The following RSRP1 variants were observed in gnomAD, a reference collection of about 807,000 sequenced individuals.
The protein encoded by RSRP1 is arginine/serine-rich protein 1.
Under a neutral mutation model 33.0 loss-of-function variants are expected in RSRP1, and 37 were observed. The ratio of observed to expected loss-of-function variants is 1.12; its 90% confidence interval spans 0.86 to 1.48. The LOEUF (loss-of-function observed/expected upper bound fraction) is 1.48, where lower values mean the gene tolerates loss of function less well. Among genes scored for constraint, RSRP1 ranks in the 40% most tolerant of loss-of-function variants. RSRP1 has a pLI of 0.00. For missense variants in RSRP1, 402 were observed against 385.3 expected (o/e 1.04, Z -0.36); for synonymous variants, 167 against 158.7 (o/e 1.05, Z -0.40).
intron 1 of RSRP1, among the ~76,000 whole-genome samples, chr1:25,259,296 T>A (rs1469530642): frequency 2.0e-5 from 3 of 152,060 alleles, no homozygotes; most frequent in Non-Finnish European, 2.9e-5. Flanking sequence ...TTTCACCATG[T>A]TGGCCAGGCT....
chr1:25,303,511 C>T lies in RSRP1; in HGVS notation c.-67+34467G>A, dbSNP rs777557977. ...CTGCTTTGGCTGAAGGCCAGCAGGA[C>T]GCTGGGACCTGATGGGCCACTGTGC... On this transcript the variant is annotated intron_variant, in intron 1 of 1. Transcript: ENST00000561867. 31 of 1,362,862 alleles carry T rather than the reference C, an allele frequency of 2.3e-5. 7 individuals are homozygous for T. The highest frequency in any genetic ancestry group is 1.1e-4 in the South Asian group (9 of 84,390). 84.4% of individuals were successfully genotyped at this position (1,362,862 alleles called of 1,614,324 possible).
Position 25,245,214 on chromosome 1 carries a change from G to T in RSRP1, c.608C>A (p.Thr203Asn). ...TNIDLPASLRTVPSAKETSRG... is the reference protein window; with the variant it reads ...TNIDLPASLRNVPSAKETSRG... ...GCTTGTTTCTTTGGCTGAAGGAACA[G>T]TTCTGAGACTAGCTGGCAAGTCAAT... Residue 203 changes from threonine to asparagine, a missense_variant, in exon 3 of 5, where the codon ACT (threonine) becomes AAT (asparagine). Thr to Asn is a moderately conservative substitution (Grantham distance 65). Coordinates refer to ENST00000243189, the MANE Select transcript of RSRP1 (RefSeq NM_020317.5). 1.2e-6 allele frequency: 2 copies of T among 1,614,100 alleles called. No individual in the cohort carries two copies. Among genetic ancestry groups the T allele is most frequent in the African/African-American group, 2.7e-5 (2 of 75,022 alleles).
rs185343993 is a variant in RSRP1 at position 25,334,669 on chromosome 1, C to T, written c.-67+3309G>A. On this transcript the variant is annotated intron_variant, in intron 1 of 1. Transcript: ENST00000561867. The stretch of plus-strand genomic sequence containing the variant: ...GGGCATCCAGGCATTTCCGCACATC[C>T]TCTTTAATCTAGGCGAAGGTTTCCA... 6.0e-3 allele frequency among the ~76,000 whole-genome samples: 797 copies of T among 133,230 alleles called. 113 individuals carry two copies. The highest frequency in any genetic ancestry group is 0.019 in the African/African-American group (760 of 38,976). 87.4% of individuals were successfully genotyped at this position (133,230 alleles called of 152,430 possible). A position where few individuals can be genotyped will look rare whatever the true frequency, so the allele number is the denominator to read the frequency against.
chr1:25,331,802 C>T (rs1420394453), intron 1 of RSRP1, among the ~76,000 whole-genome samples: 3 of 111,746 alleles, frequency 2.7e-5, no homozygotes, highest in Non-Finnish European at 4.1e-5. Context: ...TGCAGTGGCG[C>T]GATCTCGGCT....
chr1:25,253,610 C>G (rs1639858735), intron 1 of RSRP1: 3 of 152,222 alleles, frequency 2.0e-5, no homozygotes, highest in Admixed American at 2.0e-4. Flanking sequence ...ATCCGCCCAC[C>G]TCGCCTCCCA....
intron 1 of RSRP1, chr1:25,303,282 T>C: frequency 8.1e-7 from 1 of 1,237,728 alleles, no homozygotes; most frequent in East Asian, 2.3e-5. Flanking sequence ...GTGTTCTCTC[T>C]CTACCTTGCT....
chr1:25,285,204 G>A (rs1413773737), intron 1 of RSRP1, among the ~76,000 whole-genome samples: 3 of 130,152 alleles, frequency 2.3e-5, no homozygotes, highest in East Asian at 1.9e-4. Flanking sequence ...GCGCTATCTC[G>A]GCACACCACA....
intron 1 of RSRP1, among the ~76,000 whole-genome samples, chr1:25,311,690 A>G (rs1644156971): frequency 7.7e-6 from 1 of 129,248 alleles, no homozygotes; most frequent in Non-Finnish European, 1.8e-5. Context: ...GTTTGGAATG[A>G]CCAGCTGCTG....
chr1:25,321,193 C>G (rs995675303), intron 1 of RSRP1, among the ~76,000 whole-genome samples: 1 of 129,594 alleles, frequency 7.7e-6, no homozygotes, highest in Non-Finnish European at 1.8e-5. Flanking sequence ...GAAGACAGAC[C>G]TATAGGAGCA....
At chr1:25,252,018 G>A (rs1331682606), upstream of RSRP1, among the ~76,000 whole-genome samples, 2 of 150,978 alleles carry the variant, frequency 1.3e-5, no homozygotes, top group African/African-American at 4.9e-5. Context: ...AGCCTCCCAA[G>A]CAGCTGGGAG....
chr1:25,256,284 A>T (rs1254450696), intron 1 of RSRP1, among the ~76,000 whole-genome samples: 6 of 151,354 alleles, frequency 4.0e-5, no homozygotes, highest in South Asian at 2.1e-4. Flanking sequence ...CCTACTGAGT[A>T]GCTAGGACTA....
chr1:25,244,933 T>C, intron 3 of RSRP1: 1 of 1,401,908 alleles, frequency 7.1e-7, no homozygotes. Context: ...ATCTGCCTCA[T>C]TACAGGCATG....
chr1:25,312,957 T>TAAAAAAAAAAAAAAAAA (rs1491188755), intron 1 of RSRP1, among the ~76,000 whole-genome samples: 1 of 24,412 alleles, frequency 4.1e-5, no homozygotes, highest in African/African-American at 8.0e-5. Context: ...AAAAAAAAAC[T>TAAAAAAAAAAAAAAAAA]TTAGTGCTAT....
chr1:25,285,632 A>G (rs1345779708), intron 1 of RSRP1, among the ~76,000 whole-genome samples: 1 of 135,390 alleles, frequency 7.4e-6, no homozygotes, highest in Non-Finnish European at 1.8e-5. Flanking sequence ...GATATTGATT[A>G]GGAAGGAACA....
chr1:25,296,044 G>A lies in RSRP1; in HGVS notation c.-67+41934C>T, dbSNP rs1359976273. Among the ~76,000 whole-genome samples the A allele has an allele frequency of 1.3e-3, 143 of 113,338 alleles. 15 individuals are homozygous for A. Among genetic ancestry groups the A allele is most frequent in the African/African-American group, 4.0e-3 (134 of 33,718 alleles). 74.4% of individuals were successfully genotyped at this position (113,338 alleles called of 152,430 possible). A position where few individuals can be genotyped will look rare whatever the true frequency, so the allele number is the denominator to read the frequency against. On this transcript the variant is annotated intron_variant, in intron 1 of 1. Coordinates refer to the RSRP1 transcript ENST00000561867. ...CGCCTGGCTTACTTTTGTATTTTTA[G>A]TAGAGACGGAGTTTTGCCATGTTGG...
At chr1:25,284,837 G>A (rs1265640844) in intron 1 of RSRP1, 2 of 1,254,116 alleles carry the variant, frequency 1.6e-6, no homozygotes, top group African/African-American at 1.5e-5. Flanking sequence ...GAAGATCTGG[G>A]ATATTGCCCC....
chr1:25,277,413 TA>T (rs1416058572), intron 1 of RSRP1, among the ~76,000 whole-genome samples: 2 of 133,222 alleles, frequency 1.5e-5, no homozygotes, highest in East Asian at 3.9e-4. Flanking sequence ...AGGCCAGACC[TA>T]CTGATCAGAA....
Position 25,277,897 on chromosome 1 carries a change from C to T in RSRP1, c.-66-30868G>A, listed in dbSNP as rs534461705. 4.5e-5 allele frequency among the ~76,000 whole-genome samples: 6 copies of T among 132,954 alleles called. 1 individual carries two copies. Among genetic ancestry groups the T allele is most frequent in the Non-Finnish European group, 1.1e-4 (6 of 56,008 alleles). The allele number at this position is 132,954 out of a possible 152,430, so 87.2% of individuals were successfully genotyped here. ...CCATGTTGGTGAGGCTGGTCTCGAA[C>T]TCCCAACCTCAGGTGATGCACCCGC... is the stretch of plus-strand genomic sequence containing the variant. On this transcript the variant is annotated intron_variant, in intron 1 of 1. Transcript: ENST00000561867.
chr1:25,302,044 C>T (rs1643430075), intron 1 of RSRP1, among the ~76,000 whole-genome samples: 1 of 130,410 alleles, frequency 7.7e-6, no homozygotes. Flanking sequence ...TCTCTTCCCC[C>T]CAACAAATTT....
Sources: allele counts gnomAD v4.1 joint callset (sites outside exome capture counted in the v4.1 genomes callset), GRCh38; gene constraint gnomAD v4.1.1; transcripts MANE v1.5; gene names NCBI Gene and HGNC (gene_info 2026-07-23, HGNC 2026-07-21).